SH3GL2: variants seen among roughly 807,000 people sequenced by gnomAD.
SH3GL2 encodes endophilin-A1.
Under a neutral mutation model 46.0 loss-of-function variants are expected in SH3GL2, and 24 were observed. That is an observed-to-expected ratio of 0.52 (90% CI 0.38 to 0.73). The LOEUF is 0.73. Among genes scored for constraint, SH3GL2 ranks in the 30% least tolerant of loss-of-function variants. The pLI is 0.00. For synonymous variants in SH3GL2, 196 were observed against 147.1 expected (o/e 1.33, Z -2.40); for missense variants, 413 against 424.2 (o/e 0.97, Z 0.23).
chr9:17,689,263 A>C (rs1469644334), intron 1 of SH3GL2, among the ~76,000 whole-genome samples: 1 of 151,988 alleles, frequency 6.6e-6, no homozygotes, highest in Non-Finnish European at 1.5e-5. Flanking sequence ...AAACAAAGAA[A>C]AGTCTGAGAA....
chr9:17,635,524 G>C (rs35625140), intron 1 of SH3GL2, among the ~76,000 whole-genome samples: 14,655 of 152,216 alleles, frequency 0.096, 814 homozygotes, highest in South Asian at 0.13. Flanking sequence ...TCCTGGGTTT[G>C]AACTGCTTTA....
chr9:17,585,789 T>A (rs1818364879), intron 1 of SH3GL2, among the ~76,000 whole-genome samples: 1 of 152,168 alleles, frequency 6.6e-6, no homozygotes, highest in African/African-American at 2.4e-5. Flanking sequence ...TTATCAAACT[T>A]GTGCACCTGG....
At chr9:17,681,932 A>G (rs181606800) in intron 1 of SH3GL2, among the ~76,000 whole-genome samples, 13 of 152,340 alleles carry the variant, frequency 8.5e-5, no homozygotes, top group African/African-American at 2.9e-4. Context: ...GCCAACAAAC[A>G]TATGAAAAAA....
At position 17,770,139 on chromosome 9, in the gene SH3GL2, C is replaced by A. The variant is rs527841253; in HGVS notation, c.187+8630C>A. On this transcript the variant is annotated intron_variant, in intron 3 of 8. Transcript: ENST00000380607. Reference sequence around the variant, plus strand: ...TCTCTGTGTAATATCTATTTGGTGTCATGTACAATTAGTATATTTCACAAT... The same window carrying A: ...TCTCTGTGTAATATCTATTTGGTGTAATGTACAATTAGTATATTTCACAAT... Among the ~76,000 whole-genome samples the A allele has an allele frequency of 5.9e-5, 9 of 152,254 alleles. No homozygotes were observed. In the South Asian group the frequency reaches 1.9e-3, roughly 32 times the overall value.
chr9:17,668,698 C>A (rs1418187288), intron 1 of SH3GL2, among the ~76,000 whole-genome samples: 1 of 151,910 alleles, frequency 6.6e-6, no homozygotes, highest in African/African-American at 2.4e-5. Context: ...ATTTTGTTGC[C>A]CAGGCTGGAG....
rs181466081 is a variant in SH3GL2 at position 17,718,447 on chromosome 9, G to A, written c.46-28619G>A. Reference sequence around the variant, plus strand: ...TGTTAAAAATGCAGATTCTGGCCAGGTGCAGTGGCTCACTCCTGTAATTGC... The same window carrying A: ...TGTTAAAAATGCAGATTCTGGCCAGATGCAGTGGCTCACTCCTGTAATTGC... On this transcript the variant is annotated intron_variant, in intron 1 of 8. Transcript: ENST00000380607. 5.3e-4 allele frequency among the ~76,000 whole-genome samples: 80 copies of A among 152,254 alleles called. 1 individual carries two copies. The East Asian group carries it at 0.014, about 27-fold the overall frequency.
At chr9:17,778,390 G>A (rs1338838914) in intron 3 of SH3GL2, among the ~76,000 whole-genome samples, 2 of 152,124 alleles carry the variant, frequency 1.3e-5, no homozygotes, top group African/African-American at 2.4e-5. Context: ...TGTGATCAGT[G>A]CAGTGAATTA....
chr9:17,609,042 A>T (rs774365947), intron 1 of SH3GL2, among the ~76,000 whole-genome samples: 1 of 152,276 alleles, frequency 6.6e-6, no homozygotes, highest in South Asian at 2.1e-4. Flanking sequence ...CGCTGGGGGA[A>T]TGGGGGATCC....
chr9:17,785,695 T>G (rs1385432252), intron 3 of SH3GL2, among the ~76,000 whole-genome samples: 2 of 152,102 alleles, frequency 1.3e-5, no homozygotes, highest in Non-Finnish European at 2.9e-5. Flanking sequence ...CTAGGCAACT[T>G]CTTTTATAAA....
intron 1 of SH3GL2, among the ~76,000 whole-genome samples, chr9:17,583,072 T>C (rs1049418798): frequency 6.6e-6 from 1 of 152,228 alleles, no homozygotes; most frequent in African/African-American, 2.4e-5. Context: ...ATTAGGACTT[T>C]AATATGAATT....
At chr9:17,789,004 C>A (rs192367285) in intron 5 of SH3GL2, among the ~76,000 whole-genome samples, 3 of 152,286 alleles carry the variant, frequency 2.0e-5, no homozygotes, top group East Asian at 3.9e-4. Flanking sequence ...CATGAGATAC[C>A]ATTTCTCTTG....
chr9:17,797,047 G>A lies in SH3GL2; in HGVS notation c.*1304G>A, dbSNP rs1017975342. ...AGTAGTGGATCATGTGGAGTGAAAGGCAAATCTTACTGCTTAATGTATAAA... is the reference window on the plus strand; with the variant it reads ...AGTAGTGGATCATGTGGAGTGAAAGACAAATCTTACTGCTTAATGTATAAA... On this transcript the variant is annotated 3_prime_UTR_variant, in exon 9 of 9. Coordinates refer to ENST00000380607, the MANE Select transcript of SH3GL2 (RefSeq NM_003026.5). The A allele has an allele frequency of 1.3e-5, 2 of 152,626 alleles. No homozygotes were observed. The highest frequency in any genetic ancestry group is 4.8e-5 in the African/African-American group (2 of 41,452). 9.5% of individuals were successfully genotyped at this position (152,626 alleles called of 1,614,324 possible). A position where few individuals can be genotyped will look rare whatever the true frequency, so the allele number is the denominator to read the frequency against.
intron 3 of SH3GL2, among the ~76,000 whole-genome samples, chr9:17,776,171 G>A (rs1823636098): frequency 6.6e-6 from 1 of 152,034 alleles, no homozygotes; most frequent in African/African-American, 2.4e-5. Flanking sequence ...CCCACCCTTT[G>A]TTGAGGTTTG....
chr9:17,673,778 C>A (rs1331802686), intron 1 of SH3GL2, among the ~76,000 whole-genome samples: 1 of 152,150 alleles, frequency 6.6e-6, no homozygotes, highest in Non-Finnish European at 1.5e-5. Context: ...TCTTACTCAC[C>A]CTTGAGTCTT....
intron 1 of SH3GL2, among the ~76,000 whole-genome samples, 189 bp downstream of exon 1, chr9:17,579,476 C>G (rs907503456): frequency 2.6e-5 from 4 of 151,920 alleles, no homozygotes; most frequent in Non-Finnish European, 5.9e-5. Context: ...CCCTCGGTCC[C>G]CCGCCCCCGG....
intron 6 of SH3GL2, among the ~76,000 whole-genome samples, chr9:17,790,778 T>C (rs1228468768): frequency 6.6e-6 from 1 of 152,232 alleles, no homozygotes; most frequent in Non-Finnish European, 1.5e-5. Context: ...TTTTCTGTCA[T>C]ACCATGTCGC....
intron 1 of SH3GL2, among the ~76,000 whole-genome samples, chr9:17,705,303 A>G (rs1412196515): frequency 6.6e-6 from 1 of 152,110 alleles, no homozygotes; most frequent in Non-Finnish European, 1.5e-5. Context: ...GGAAATGTAA[A>G]TTAGTTTAGC....
At chr9:17,702,520 C>T (rs1588255627) in intron 1 of SH3GL2, among the ~76,000 whole-genome samples, 1 of 151,826 alleles carries the variant, frequency 6.6e-6, no homozygotes, top group Admixed American at 6.6e-5. Context: ...CATAGTGAAC[C>T]CTCTTGTTTC....
chr9:17,720,499 C>T (rs746369713), intron 1 of SH3GL2, among the ~76,000 whole-genome samples: 4 of 152,056 alleles, frequency 2.6e-5, no homozygotes, highest in Non-Finnish European at 5.9e-5. Flanking sequence ...TTGGTTACAA[C>T]TCAGCATCTG....
Sources: allele counts gnomAD v4.1 joint callset (sites outside exome capture counted in the v4.1 genomes callset), GRCh38; gene constraint gnomAD v4.1.1; transcripts MANE v1.5; gene names NCBI Gene and HGNC (gene_info 2026-07-23, HGNC 2026-07-21).